RNF10: variants seen among roughly 807,000 people sequenced by gnomAD.
RNF10 encodes the protein ring finger protein 10, also known as E3 ubiquitin-protein ligase RNF10.
Under a neutral mutation model 91.4 loss-of-function variants are expected in RNF10, and 38 were observed. The observed-to-expected ratio is 0.42, with a 90% CI of 0.32 to 0.54. The LOEUF (loss-of-function observed/expected upper bound fraction) is 0.54, where lower values mean the gene tolerates loss of function less well. Ranked by LOEUF, RNF10 falls within the 20% of genes least tolerant of loss-of-function variation. The pLI is 0.16. For synonymous variants in RNF10, 364 were observed against 366.3 expected (o/e 0.99, Z 0.07); for missense variants, 945 against 1,012.0 (o/e 0.93, Z 0.90).
chr12:120,560,659 C>A, intron 6 of RNF10, 67 bp from the exon 7 acceptor site: 7 of 1,483,172 alleles, frequency 4.7e-6, no homozygotes, highest in Non-Finnish European at 6.4e-6. Flanking sequence ...TTTGAAAATT[C>A]CTATTTAGCT....
At chr12:120,569,010 G>A (rs1042505235) in intron 13 of RNF10, among the ~76,000 whole-genome samples, 10 of 151,306 alleles carry the variant, frequency 6.6e-5, no homozygotes, top group African/African-American at 2.2e-4. Flanking sequence ...CGCTCTTGTT[G>A]CCCAGGCTGG....
intron 2 of RNF10, among the ~76,000 whole-genome samples, chr12:120,551,854 T>C (rs1441168781): frequency 6.6e-6 from 1 of 152,010 alleles, no homozygotes. Context: ...AAGAACTACC[T>C]GAGACTGGGT....
In RNF10 at chr12:120,534,891, C is replaced by G; in HGVS notation, c.80C>G (p.Ser27Cys). 6.2e-7 allele frequency: 1 copy of G among 1,608,376 alleles called. No individual in the cohort carries two copies. Among genetic ancestry groups the G allele is most frequent in the Non-Finnish European group, 8.5e-7 (1 of 1,179,632 alleles). The change falls in exon 1 of 17, where the codon TCT becomes TGT. Residue 27 changes from serine (S) to cysteine (C), a missense_variant. Physicochemically the swap from Ser to Cys is moderately radical, Grantham distance 112. Transcript: ENST00000325954. ...AGCGGCTCCAACAGCTCCTCCGCCT[C>G]TTCGGGCAGCAGCAAAGGGCAACAG... The part of the protein sequence containing the change: ...KNSGSNSSSA[S>C]SGSSKGQQPP...
intron 16 of RNF10, 38 bp downstream of exon 16, chr12:120,575,988 A>G (rs1485593906): frequency 9.3e-6 from 15 of 1,605,940 alleles, no homozygotes; most frequent in East Asian, 2.2e-5. Context: ...GTTGTCAAAC[A>G]TACTACACAT....
chr12:120,554,830 A>G (rs1593078102), intron 4 of RNF10, 22 bp downstream of exon 4: 1 of 1,586,016 alleles, frequency 6.3e-7, no homozygotes, highest in Non-Finnish European at 8.7e-7. Context: ...AGCCAAGCCC[A>G]TAAGCTATGA....
chr12:120,570,406 G>C (rs1258522510), intron 13 of RNF10, among the ~76,000 whole-genome samples: 1 of 150,634 alleles, frequency 6.6e-6, no homozygotes, highest in Non-Finnish European at 1.5e-5. Flanking sequence ...GCCTGGTCTT[G>C]AACTCCTGAC....
chr12:120,545,006 A>G (rs1019731215), intron 1 of RNF10, among the ~76,000 whole-genome samples: 8 of 152,240 alleles, frequency 5.3e-5, no homozygotes, highest in African/African-American at 7.2e-5. Context: ...AGAAAACAAT[A>G]TATCTTCTAT....
rs1329158852 is a variant in RNF10 at position 120,557,622 on chromosome 12, G to T, written c.907G>T (p.Val303Leu). The change falls in exon 6 of 17, where the codon GTG becomes TTG. Residue 303 changes from valine to leucine, a missense_variant. Val to Leu is a conservative substitution (Grantham distance 32). Transcript: ENST00000325954. Reference protein sequence around the residue: ...TMQLMKREKGVLVALPKSKWM... With the variant: ...TMQLMKREKGLLVALPKSKWM... The stretch of plus-strand genomic sequence containing the variant: ...GCAGCTGATGAAGAGGGAGAAAGGG[G>T]TGTTGGTGGCTTTGCCCAAATCCAA... 1.2e-6 allele frequency: 2 copies of T among 1,614,080 alleles called. No individual in the cohort carries two copies. Among genetic ancestry groups the T allele is most frequent in the Non-Finnish European group, 1.7e-6 (2 of 1,180,032 alleles).
At position 120,577,506 on chromosome 12, in the gene RNF10, ATTC is replaced by A. The variant is rs1877543802; in HGVS notation, c.*843_*845del. ...TTGGTTTGAGCTGAATTTGATGTGA[ATTC>A]TTTTGCTGCTTAATAAAGTGACCTC... On this transcript the variant is annotated 3_prime_UTR_variant, in exon 17 of 17. Transcript: ENST00000325954. 3.2e-4 allele frequency: 70 copies of A among 220,924 alleles called. No individual in the cohort carries two copies. The South Asian group carries it at 3.5e-3, about 11-fold the overall frequency. The allele number at this position is 220,924 out of a possible 1,614,324, so 13.7% of individuals were successfully genotyped here.
Position 120,566,896 on chromosome 12 carries a change from G to C in RNF10, c.1957G>C (p.Asp653His). Reference sequence around the variant, plus strand: ...CTTCAATTCTTATACCTGCTCCTCTGATTCTGCTTTGGGTCCCACCAGCAC... The same window carrying C: ...CTTCAATTCTTATACCTGCTCCTCTCATTCTGCTTTGGGTCCCACCAGCAC... The part of the protein sequence containing the change: ...PAFNSYTCSS[D>H]SALGPTSTEG... The change falls in exon 13 of 17, where the codon GAT (aspartate) becomes CAT (histidine). Residue 653 changes from aspartate to histidine, a missense_variant. Coordinates refer to ENST00000325954, the MANE Select transcript of RNF10 (RefSeq NM_014868.5). 3.7e-6 allele frequency: 6 copies of C among 1,613,938 alleles called. No homozygotes were observed. Among genetic ancestry groups the C allele is most frequent in the East Asian group, 2.2e-5 (1 of 44,860 alleles).
At chr12:120,543,103 C>T (rs1441515343) in intron 1 of RNF10, among the ~76,000 whole-genome samples, 1 of 152,120 alleles carries the variant, frequency 6.6e-6, no homozygotes, top group Non-Finnish European at 1.5e-5. Flanking sequence ...CTTACATTTT[C>T]TTCTTTCTGA....
intron 10 of RNF10, among the ~76,000 whole-genome samples, chr12:120,564,355 G>A (rs1273470950): frequency 6.6e-6 from 1 of 152,112 alleles, no homozygotes; most frequent in Non-Finnish European, 1.5e-5. Flanking sequence ...AAATAAATGG[G>A]CTGGATGTGG....
chr12:120,554,866 T>A (rs1873730243), intron 4 of RNF10, 58 bp downstream of exon 4: 1 of 1,348,516 alleles, frequency 7.4e-7, no homozygotes, highest in African/African-American at 1.4e-5. Flanking sequence ...AAAGGCACTG[T>A]GGTGACGCAG....
At chr12:120,544,624 C>T (rs549269021) in intron 1 of RNF10, among the ~76,000 whole-genome samples, 2 of 152,160 alleles carry the variant, frequency 1.3e-5, no homozygotes, top group Non-Finnish European at 2.9e-5. Context: ...CCACTGCACT[C>T]TAGCCTGGGT....
chr12:120,568,338 C>G (rs1011056711), intron 13 of RNF10, among the ~76,000 whole-genome samples: 4 of 151,994 alleles, frequency 2.6e-5, no homozygotes, highest in Non-Finnish European at 5.9e-5. Context: ...TTCAAATGGG[C>G]CTTTAGCCTT....
rs536972813 is a variant in RNF10, at chr12:120,553,646, A to G, written c.554+948A>G. ...TCTTGATCTCCTGACTTCATGATCC[A>G]CCCGCCTCGGCCTCCCAAAGTGCTG... On this transcript the variant is annotated intron_variant, in intron 3 of 16. Coordinates refer to ENST00000325954, the MANE Select transcript of RNF10 (RefSeq NM_014868.5). Among the ~76,000 whole-genome samples the G allele has an allele frequency of 5.9e-5, 9 of 151,604 alleles. No homozygotes were observed. The South Asian group carries it at 1.9e-3, about 32-fold the overall frequency.
intron 13 of RNF10, among the ~76,000 whole-genome samples, chr12:120,568,187 G>A (rs1258007110): frequency 6.6e-6 from 1 of 151,980 alleles, no homozygotes; most frequent in Non-Finnish European, 1.5e-5. Context: ...AAAGGTTGCA[G>A]TGAGCCCAGA....
chr12:120,557,528 TGA>T lies in RNF10; in HGVS notation c.831-16_831-15del, dbSNP rs779355188. On this transcript the variant is annotated splice_polypyrimidine_tract_variant and intron_variant, in intron 5 of 16. Coordinates refer to ENST00000325954, the MANE Select transcript of RNF10 (RefSeq NM_014868.5). Reference sequence around the variant, plus strand: ...TCTTCACTCCTTGCCCTGCTACATATGAGTGTCCATGTTTCAGTGTTGTTGCC... The same window carrying T: ...TCTTCACTCCTTGCCCTGCTACATATGTGTCCATGTTTCAGTGTTGTTGCC... The T allele has an allele frequency of 1.2e-6, 2 of 1,614,028 alleles. No homozygotes were observed. The highest frequency in any genetic ancestry group is 1.1e-5 in the South Asian group (1 of 91,084).
At chr12:120,569,322 A>G (rs61351912) in intron 13 of RNF10, among the ~76,000 whole-genome samples, 262 of 151,454 alleles carry the variant, frequency 1.7e-3, no homozygotes, top group African/African-American at 6.0e-3. Context: ...AGTGTCCATC[A>G]TTGGAATATT....
Sources: gnomAD v4.1 joint callset for allele counts (sites outside exome capture counted in the v4.1 genomes callset) on GRCh38, gnomAD v4.1.1 for gene constraint, MANE v1.5 for transcripts, NCBI Gene and HGNC (gene_info 2026-07-23, HGNC 2026-07-21) for gene names.